The following ALOX5 variants were observed in gnomAD, a reference collection of about 807,000 sequenced individuals.
ALOX5 encodes arachidonate 5-lipoxygenase, also known as polyunsaturated fatty acid 5-lipoxygenase.
Under a neutral mutation model 87.9 loss-of-function variants are expected in ALOX5, and 64 were observed. The observed-to-expected ratio is 0.73, with a 90% CI of 0.60 to 0.90. ALOX5 has a LOEUF of 0.90. Ranked by LOEUF, ALOX5 falls within the 40% of genes least tolerant of loss-of-function variation. ALOX5 has a pLI of 0.00. For synonymous variants in ALOX5, 388 were observed against 355.1 expected (o/e 1.09, Z -1.04); for missense variants, 822 against 907.5 (o/e 0.91, Z 1.21).
At chr10:45,400,752 G>A (rs1840669926) in intron 3 of ALOX5, among the ~76,000 whole-genome samples, 1 of 152,202 alleles carries the variant, frequency 6.6e-6, no homozygotes, top group African/African-American at 2.4e-5. Flanking sequence ...CAAACCCACA[G>A]AGTCAGGTTA....
At chr10:45,390,697 T>C (rs1328351591) in intron 2 of ALOX5, among the ~76,000 whole-genome samples, 1 of 152,194 alleles carries the variant, frequency 6.6e-6, no homozygotes, top group Non-Finnish European at 1.5e-5. Flanking sequence ...AAGCAGTGTG[T>C]AGAGGGAAAT....
Position 45,396,983 on chromosome 10 carries a change from A to G in ALOX5, c.431+1047A>G, listed in dbSNP as rs139716904. On this transcript the variant is annotated intron_variant, in intron 3 of 13. Transcript: ENST00000374391. ...CAAAACAAAGTACATAATCATTTCA[A>G]TAGACATACAAAAAAGGCATTTGAC... Among the ~76,000 whole-genome samples the G allele has an allele frequency of 6.3e-3, 961 of 152,356 alleles. 8 individuals carry two copies. Among genetic ancestry groups the G allele is most frequent in the African/African-American group, 0.022 (923 of 41,578 alleles).
At position 45,443,405 on chromosome 10, in the gene ALOX5, C is replaced by T. The variant is rs1842309620; in HGVS notation, c.1452-11C>T. Reference sequence around the variant, plus strand: ...CTGGGTCGCCCACCCCGGCTGCGCCCCCTGAGCCAGGTTCACGGCCGAGGT... The same window carrying T: ...CTGGGTCGCCCACCCCGGCTGCGCCTCCTGAGCCAGGTTCACGGCCGAGGT... On this transcript the variant is annotated splice_polypyrimidine_tract_variant and intron_variant, in intron 10 of 13. Transcript: ENST00000374391. 1 of 1,599,684 alleles carries T rather than the reference C, an allele frequency of 6.3e-7. No individual in the cohort carries two copies. Among genetic ancestry groups the T allele is most frequent in the Non-Finnish European group, 8.5e-7 (1 of 1,173,400 alleles).
intron 1 of ALOX5, among the ~76,000 whole-genome samples, chr10:45,376,321 G>A (rs972400460): frequency 2.1e-5 from 3 of 145,770 alleles, no homozygotes; most frequent in African/African-American, 7.6e-5. Flanking sequence ...AGGGCTATAA[G>A]TCAGGGGTGG....
intron 13 of ALOX5, 110 bp from the exon 14 acceptor site, chr10:45,445,398 C>A: frequency 7.6e-7 from 1 of 1,319,140 alleles, no homozygotes; most frequent in Non-Finnish European, 1.1e-6. Context: ...TGAATAGATG[C>A]TCCCTCCTTC....
At chr10:45,395,058 G>A (rs1474318273) in intron 2 of ALOX5, among the ~76,000 whole-genome samples, 2 of 152,184 alleles carry the variant, frequency 1.3e-5, no homozygotes, top group African/African-American at 4.8e-5. Flanking sequence ...CAATTCCTCA[G>A]GGATCTAGAA....
chr10:45,378,104 G>A (rs2132666518), intron 1 of ALOX5, among the ~76,000 whole-genome samples: 1 of 152,200 alleles, frequency 6.6e-6, no homozygotes, highest in African/African-American at 2.4e-5. Flanking sequence ...CATCTGAAAT[G>A]TGCTACCCAT....
intron 2 of ALOX5, among the ~76,000 whole-genome samples, chr10:45,387,467 T>A (rs1840049066): frequency 6.6e-6 from 1 of 152,172 alleles, no homozygotes; most frequent in Non-Finnish European, 1.5e-5. Context: ...CTGCAGTGAT[T>A]TAAAGATACC....
At chr10:45,386,513 CAG>C (rs1207774370) in intron 2 of ALOX5, among the ~76,000 whole-genome samples, 1 of 151,486 alleles carries the variant, frequency 6.6e-6, no homozygotes, top group Non-Finnish European at 1.5e-5. Context: ...TACAAAGACT[CAG>C]AGGAGGGGTT....
chr10:45,393,152 A>G (rs985215582), intron 2 of ALOX5, among the ~76,000 whole-genome samples: 1 of 151,494 alleles, frequency 6.6e-6, no homozygotes, highest in Non-Finnish European at 1.5e-5. Context: ...CACACACAAA[A>G]AAAACAATTT....
rs781294919 is a variant in ALOX5, at chr10:45,428,801, A to G, written c.981+37A>G. The G allele has an allele frequency of 6.2e-6, 10 of 1,610,992 alleles. No homozygotes were observed. In the South Asian group the frequency reaches 1.1e-4, roughly 18 times the overall value. ...GGGGGCACACCTTTCTGAGCAGCTCAGTCCTCTGCGATCCAGGGCTCCTGG... is the reference window on the plus strand; with the variant it reads ...GGGGGCACACCTTTCTGAGCAGCTCGGTCCTCTGCGATCCAGGGCTCCTGG... On this transcript the variant is annotated intron_variant, in intron 7 of 13. Transcript: ENST00000374391.
At chr10:45,435,115 G>A (rs1842022245) in intron 7 of ALOX5, among the ~76,000 whole-genome samples, 1 of 152,192 alleles carries the variant, frequency 6.6e-6, no homozygotes, top group Admixed American at 6.5e-5. Flanking sequence ...GGAAGGCCCA[G>A]CTCAGTGGTA....
Position 45,419,060 on chromosome 10 carries a change from G to A in ALOX5, c.555-4981G>A, listed in dbSNP as rs1384303768. Among the ~76,000 whole-genome samples the A allele has an allele frequency of 3.9e-5, 6 of 152,218 alleles. No homozygotes were observed. In the East Asian group the frequency reaches 5.8e-4, roughly 15 times the overall value. ...CCGCCCTCTCCCCAGGACCACAGGG[G>A]CGCTTTCCAGTGAAGGCGCCGTAGG... is the stretch of plus-strand genomic sequence containing the variant. On this transcript the variant is annotated intron_variant, in intron 4 of 13. Coordinates refer to ENST00000374391, the MANE Select transcript of ALOX5 (RefSeq NM_000698.5).
At chr10:45,380,474 T>A (rs1839786563) in intron 1 of ALOX5, among the ~76,000 whole-genome samples, 1 of 152,216 alleles carries the variant, frequency 6.6e-6, no homozygotes, top group Non-Finnish European at 1.5e-5. Context: ...CCATTCCTCT[T>A]AGGAAGCCCT....
intron 3 of ALOX5, among the ~76,000 whole-genome samples, chr10:45,400,631 A>G (rs185638946): frequency 1.3e-5 from 2 of 152,286 alleles, no homozygotes; most frequent in African/African-American, 2.4e-5. Context: ...GAAATGAACT[A>G]CAGATAGATG....
intron 13 of ALOX5, among the ~76,000 whole-genome samples, chr10:45,445,009 T>G (rs985697627): frequency 6.6e-6 from 1 of 152,246 alleles, no homozygotes; most frequent in Non-Finnish European, 1.5e-5. Context: ...TAAAATGATA[T>G]CTAGCTCTGC....
chr10:45,394,544 G>A (rs1186787048), intron 2 of ALOX5, among the ~76,000 whole-genome samples: 1 of 152,122 alleles, frequency 6.6e-6, no homozygotes, highest in Non-Finnish European at 1.5e-5. Flanking sequence ...CATAAGCATG[G>A]GCAAGGACTT....
intron 3 of ALOX5, among the ~76,000 whole-genome samples, chr10:45,409,718 AGTG>A: frequency 6.6e-6 from 1 of 152,042 alleles, no homozygotes; most frequent in Non-Finnish European, 1.5e-5. Context: ...TCCTCAATGG[AGTG>A]GGATTCCATC....
At chr10:45,441,716 C>A in intron 9 of ALOX5, 1 of 448,158 alleles carries the variant, frequency 2.2e-6, no homozygotes, top group Non-Finnish European at 4.0e-6. Context: ...AGACCCCCCT[C>A]TGGAACACAC....
Sources: gnomAD v4.1 joint callset for allele counts (sites outside exome capture counted in the v4.1 genomes callset) on GRCh38, gnomAD v4.1.1 for gene constraint, MANE v1.5 for transcripts, NCBI Gene and HGNC (gene_info 2026-07-23, HGNC 2026-07-21) for gene names.